The following ZNF18 variants were observed in gnomAD, a reference collection of about 807,000 sequenced individuals.
ZNF18 encodes zinc finger protein 18.
A neutral mutation model predicts 58.1 loss-of-function variants in ZNF18; 42 were observed. That is an observed-to-expected ratio of 0.72 (90% CI 0.56 to 0.93). The LOEUF is 0.93. ZNF18 is among the 40% of genes least tolerant of loss of function. ZNF18 has a pLI of 0.00. For synonymous variants in ZNF18, 231 were observed against 239.8 expected, an observed-to-expected ratio of 0.96 and a Z score of 0.34; for missense variants, 540 against 644.2, an observed-to-expected ratio of 0.84 and a Z score of 1.75.
the ZNF18 span, among the ~76,000 whole-genome samples, chr17:12,004,004 G>A: frequency 2.6e-5 from 4 of 152,124 alleles, no homozygotes; most frequent in South Asian, 2.1e-4. Context: ...AGGCTGAGGC[G>A]GGCGGATCAC....
chr17:11,983,895 CACAA>C (rs997618696), intron 5 of ZNF18, among the ~76,000 whole-genome samples: 4 of 152,148 alleles, frequency 2.6e-5, no homozygotes, highest in African/African-American at 9.7e-5. Context: ...GCAATGTACC[CACAA>C]ACAGTTCCTG....
chr17:12,010,712 C>T, the ZNF18 span: 2 of 211,848 alleles, frequency 9.4e-6, no homozygotes, highest in Non-Finnish European at 9.4e-6. Flanking sequence ...CACTGCGCCC[C>T]GCCGGTCTTT....
At chr17:11,991,621 C>T (rs938575765) in intron 2 of ZNF18, among the ~76,000 whole-genome samples, 2 of 152,158 alleles carry the variant, frequency 1.3e-5, no homozygotes, top group Non-Finnish European at 2.9e-5. Flanking sequence ...AGTTCCCATT[C>T]CCGCAGAGCT....
At chr17:11,983,908 T>A (rs1967547018) in intron 5 of ZNF18, among the ~76,000 whole-genome samples, 1 of 152,222 alleles carries the variant, frequency 6.6e-6, no homozygotes, top group Admixed American at 6.5e-5. Flanking sequence ...AAACAGTTCC[T>A]GGCACACGGA....
At chr17:12,002,664 A>G in the ZNF18 span, among the ~76,000 whole-genome samples, 46 of 152,332 alleles carry the variant, frequency 3.0e-4, no homozygotes, top group African/African-American at 1.0e-3. Context: ...AAGTAGGGCT[A>G]ACAGGACAAG....
chr17:12,001,840 T>A (rs1036143416), upstream of ZNF18, among the ~76,000 whole-genome samples: 2 of 151,944 alleles, frequency 1.3e-5, no homozygotes, highest in Non-Finnish European at 2.9e-5. Context: ...TAAAAATAAA[T>A]TTTTAAAAAT....
Position 11,997,412 on chromosome 17 carries a change from G to C in ZNF18, c.-83+19C>G, listed in dbSNP as rs904786984. On this transcript the variant is annotated intron_variant, in intron 1 of 6. Coordinates refer to ENST00000580306, the MANE Select transcript of ZNF18 (RefSeq NM_001303281.2). ...CCCCGAGCGGCCGGAGGCCGGGACC[G>C]CCCCGCAAGCGCGCTCACCTCGGCC... 1 of 152,194 alleles carries C rather than the reference G, an allele frequency of 6.6e-6. No homozygotes were observed. The highest frequency in any genetic ancestry group is 2.4e-5 in the African/African-American group (1 of 41,446). The allele number at this position is 152,194 out of a possible 1,614,324, so 9.4% of individuals were successfully genotyped here. A position where few individuals can be genotyped will look rare whatever the true frequency, so the allele number is the denominator to read the frequency against.
At chr17:12,015,528 T>C in the ZNF18 span, among the ~76,000 whole-genome samples, 1 of 152,356 alleles carries the variant, frequency 6.6e-6, no homozygotes, top group South Asian at 2.1e-4. Flanking sequence ...TTTTTAGTTT[T>C]GTTATGTTTT....
At chr17:12,004,800 T>C in the ZNF18 span, among the ~76,000 whole-genome samples, 2 of 145,882 alleles carry the variant, frequency 1.4e-5, no homozygotes, top group Non-Finnish European at 3.0e-5. Context: ...GGCAGGAGAA[T>C]AGCTTGAACC....
the ZNF18 span, among the ~76,000 whole-genome samples, chr17:12,010,157 TA>T: frequency 7.0e-3 from 1,011 of 143,726 alleles, 1 homozygote; most frequent in South Asian, 0.014. Context: ...AACTTATAAG[TA>T]AAAAAAAAAA....
At chr17:11,991,951 T>C (rs1338208649) in intron 2 of ZNF18, among the ~76,000 whole-genome samples, 1 of 152,152 alleles carries the variant, frequency 6.6e-6, no homozygotes, top group African/African-American at 2.4e-5. Context: ...GGTGACCTCA[T>C]GGAGGTACTG....
In ZNF18 at chr17:11,978,731, C is replaced by T; in HGVS notation, c.876G>A (p.Glu292=). 1 of 1,592,450 alleles carries T rather than the reference C, an allele frequency of 6.3e-7. No individual in the cohort carries two copies. The highest frequency in any genetic ancestry group is 1.7e-5 in the Admixed American group (1 of 58,110). Residue 292 remains glutamate, a synonymous_variant, in exon 7 of 7, where the codon GAG becomes GAA. Coordinates refer to ENST00000580306, the MANE Select transcript of ZNF18 (RefSeq NM_001303281.2). The part of the protein sequence containing the change: ...PRPTCIGDRQ[E]NDKENLNLEN... ...CCAAATTTAGGTTCTCCTTGTCATT[C>T]TCTTGTCTATCTCCTAAAAGAAGAA...
intron 6 of ZNF18, among the ~76,000 whole-genome samples, chr17:11,982,125 A>G (rs1967403040): frequency 6.6e-6 from 1 of 152,104 alleles, no homozygotes; most frequent in Non-Finnish European, 1.5e-5. Flanking sequence ...AAGAAAAGCG[A>G]GGTCAGCAAA....
At chr17:11,978,840 CTTTTTTTTTTT>C (rs56969015) in intron 6 of ZNF18, 96 bp from the exon 7 acceptor site, 6 of 117,386 alleles carry the variant, frequency 5.1e-5, no homozygotes, top group East Asian at 3.9e-4. Flanking sequence ...CATTCATTTT[CTTTTTTTTTTT>C]TTTTTTTTTT....
At chr17:12,016,935 G>C in the ZNF18 span, among the ~76,000 whole-genome samples, 1 of 151,990 alleles carries the variant, frequency 6.6e-6, no homozygotes, top group Non-Finnish European at 1.5e-5. Flanking sequence ...GGTGGCTCAC[G>C]TCTGTAATTC....
chr17:12,010,806 G>T, the ZNF18 span: 1 of 395,780 alleles, frequency 2.5e-6, no homozygotes. Flanking sequence ...TTCTCACGAA[G>T]TGTGCTTTTC....
intron 6 of ZNF18, 104 bp from the exon 7 acceptor site, chr17:11,978,848 T>TTTTC: frequency 1.4e-6 from 1 of 733,810 alleles, no homozygotes; most frequent in Admixed American, 3.7e-5. Flanking sequence ...TTCTTTTTTT[T>TTTTC]TTTTTTTTTT....
upstream of ZNF18, among the ~76,000 whole-genome samples, chr17:11,998,102 C>G (rs974900359): frequency 2.6e-5 from 4 of 152,140 alleles, no homozygotes; most frequent in African/African-American, 9.7e-5. Context: ...CTTCCCTTCT[C>G]CTTCCCTTTC....
chr17:11,983,090 A>C (rs1049425521), intron 6 of ZNF18, among the ~76,000 whole-genome samples: 1 of 152,208 alleles, frequency 6.6e-6, no homozygotes, highest in African/African-American at 2.4e-5. Context: ...TCTTCCTTCC[A>C]TAGTTAAATA....
Sources: allele counts gnomAD v4.1 joint callset (sites outside exome capture counted in the v4.1 genomes callset), GRCh38; gene constraint gnomAD v4.1.1; transcripts MANE v1.5; gene names NCBI Gene and HGNC (gene_info 2026-07-23, HGNC 2026-07-21).